C3: variants seen among roughly 807,000 people sequenced by gnomAD.
C3 encodes the protein complement C3.
In C3, 97 loss-of-function variants were observed where a neutral mutation model predicts 207.9. The observed-to-expected ratio is 0.47, with a 90% CI of 0.40 to 0.55. The LOEUF (loss-of-function observed/expected upper bound fraction) is 0.55, where lower values mean the gene tolerates loss of function less well. C3 is among the 20% of genes least tolerant of loss of function. C3 has a pLI of 0.00. For missense variants in C3, 1,684 were observed against 2,171.7 expected, an observed-to-expected ratio of 0.78 and a Z score of 4.46; for synonymous variants, 848 against 857.6, an observed-to-expected ratio of 0.99 and a Z score of 0.20.
intron 14 of C3, 47 bp downstream of exon 14, chr19:6,709,637 T>A: frequency 5.8e-5 from 45 of 773,666 alleles, no homozygotes; most frequent in Admixed American, 8.2e-5. Flanking sequence ...CAGCCCCAGC[T>A]CCGTGCCTCC....
intron 17 of C3, chr19:6,702,820 G>C (rs1967703440): frequency 2.3e-6 from 1 of 435,090 alleles, no homozygotes; most frequent in African/African-American, 2.0e-5. Flanking sequence ...GATCGCTTGA[G>C]GTCAGGACTT....
chr19:6,720,387 C>T, intron 1 of C3, 129 bp downstream of exon 1: 1 of 717,338 alleles, frequency 1.4e-6, no homozygotes, highest in Admixed American at 2.1e-5. Context: ...TATAATCATT[C>T]CCAACCTGCT....
chr19:6,687,367 T>C (rs976344841), intron 27 of C3, among the ~76,000 whole-genome samples: 2 of 152,176 alleles, frequency 1.3e-5, no homozygotes, highest in African/African-American at 4.8e-5. Flanking sequence ...ATCATCGTCA[T>C]CATCATCTTT....
intron 13 of C3, 49 bp downstream of exon 13, chr19:6,710,589 AG>A: frequency 7.3e-7 from 1 of 1,373,042 alleles, no homozygotes; most frequent in Non-Finnish European, 1.0e-6. Context: ...AGAGAGAGAG[AG>A]AGGAGTAGGG....
In C3 at chr19:6,717,889, CCT is replaced by C. The variant is rs528461681; in HGVS notation, c.504+203_504+204del. 1.1e-4 allele frequency: 72 copies of C among 646,504 alleles called. No individual in the cohort carries two copies. In the African/African-American group the frequency reaches 1.3e-3, roughly 12 times the overall value. 40.0% of individuals were successfully genotyped at this position (646,504 alleles called of 1,614,324 possible). ...GCACATGTGTCTGCATATCTCTTTG[CCT>C]CTGTGTGTGTATTGTGTGCTGTGTG... On this transcript the variant is annotated intron_variant, in intron 4 of 40. Coordinates refer to ENST00000245907, the MANE Select transcript of C3 (RefSeq NM_000064.4).
In C3 at chr19:6,718,233, G is replaced by C. The variant is rs771400391; in HGVS notation, c.433+14C>G. On this transcript the variant is annotated intron_variant, in intron 3 of 40. Coordinates refer to ENST00000245907, the MANE Select transcript of C3 (RefSeq NM_000064.4). ...CGCCGGTGCCCCGCCCTCTCCAGCC[G>C]CCCCCAGCCTCACCTGTGGAGCCAG... The C allele has an allele frequency of 1.2e-6, 2 of 1,614,030 alleles. No homozygotes were observed. The highest frequency in any genetic ancestry group is 1.7e-6 in the Non-Finnish European group (2 of 1,179,956).
intron 24 of C3, among the ~76,000 whole-genome samples, chr19:6,694,058 G>A (rs1377850508): frequency 8.6e-6 from 1 of 116,264 alleles, no homozygotes; most frequent in Non-Finnish European, 1.9e-5. Context: ...CTCAGAGGGC[G>A]TGGCCTTGAG....
intron 36 of C3, 107 bp from the exon 37 acceptor site, chr19:6,679,603 A>G (rs1599496721): frequency 2.5e-6 from 2 of 806,134 alleles, no homozygotes; most frequent in Non-Finnish European, 4.4e-6. Flanking sequence ...TGGAGATGCT[A>G]GGTCTTCAAC....
chr19:6,703,427 C>T (rs972981961), intron 17 of C3, among the ~76,000 whole-genome samples: 30 of 152,006 alleles, frequency 2.0e-4, no homozygotes, highest in Admixed American at 1.8e-3. Context: ...GCCAATGTGG[C>T]AAAACCGCGC....
chr19:6,709,615 A>ACCCACCACCCCCACC, intron 14 of C3, 69 bp downstream of exon 14: 1 of 403,612 alleles, frequency 2.5e-6, no homozygotes, highest in Non-Finnish European at 4.4e-6. Flanking sequence ...CTCCAGTCCC[A>ACCCACCACCCCCACC]CCCACCTCCC....
chr19:6,678,556 C>T (rs1486237071), intron 38 of C3, 101 bp from the exon 39 acceptor site: 1 of 869,408 alleles, frequency 1.2e-6, no homozygotes, highest in Non-Finnish European at 1.9e-6. Flanking sequence ...CTCTCCCAAG[C>T]AGAAAGTTGC....
rs1359525152 is a variant in C3, at chr19:6,718,386, T to C, written c.294A>G (p.Ser98=). The change falls in exon 3 of 41, where the codon TCA becomes TCG. Residue 98 remains serine, a synonymous_variant. Coordinates refer to ENST00000245907, the MANE Select transcript of C3 (RefSeq NM_000064.4). Reference sequence around the variant, plus strand: ...TCACGAACTTGTTGCGCCCCTTTTCTGACTTGAACTCCCTGTTGGCTGGGA... The same window carrying C: ...TCACGAACTTGTTGCGCCCCTTTTCCGACTTGAACTCCCTGTTGGCTGGGA... ...FTIPANREFK[S]EKGRNKFVTV... is the part of the protein sequence containing the mutation. The C allele has an allele frequency of 6.2e-7, 1 of 1,614,226 alleles. No homozygotes were observed. The highest frequency in any genetic ancestry group is 8.5e-7 in the Non-Finnish European group (1 of 1,180,048).
At chr19:6,720,074 C>T (rs1047542809) in intron 1 of C3, among the ~76,000 whole-genome samples, 24 of 152,152 alleles carry the variant, frequency 1.6e-4, no homozygotes, top group African/African-American at 4.6e-4. Flanking sequence ...CACCCCCAAC[C>T]GCACCATCAA....
At chr19:6,694,272 G>A (rs1330682013) in intron 24 of C3, among the ~76,000 whole-genome samples, 159 bp downstream of exon 24, 1 of 151,670 alleles carries the variant, frequency 6.6e-6, no homozygotes, top group Non-Finnish European at 1.5e-5. Flanking sequence ...CTCAGAGGGC[G>A]TAGCCTTGAG....
At chr19:6,687,400 A>C (rs1308815067) in intron 27 of C3, among the ~76,000 whole-genome samples, 1 of 152,108 alleles carries the variant, frequency 6.6e-6, no homozygotes, top group African/African-American at 2.4e-5. Context: ...ATCATAGCTC[A>C]CACTTACTTT....
At position 6,707,913 on chromosome 19, in the gene C3, T is replaced by A; in HGVS notation, c.1862A>T (p.Glu621Val). The A allele has an allele frequency of 6.2e-7, 1 of 1,613,852 alleles. No individual in the cohort carries two copies. The highest frequency in any genetic ancestry group is 8.5e-7 in the Non-Finnish European group (1 of 1,179,992). ...CGGGGTGCAGCCGATGTCTGCCTTC[T>A]CCACCACGTCCCAGATCTGCGGGGG... is the stretch of plus-strand genomic sequence containing the variant. ...LTQSKIWDVV[E>V]KADIGCTPGS... Residue 621 changes from glutamate (E) to valine (V), a missense_variant, in exon 15 of 41, where the codon GAG becomes GTG. Around this residue, in one of 3 missense-constraint regions of C3, gnomAD observed 1,280 missense variants for 1,739.1 expected, o/e 0.74. Coordinates refer to ENST00000245907, the MANE Select transcript of C3 (RefSeq NM_000064.4).
At chr19:6,717,821 TTG>T (rs1023963817) in intron 4 of C3, 30 of 579,558 alleles carry the variant, frequency 5.2e-5, no homozygotes, top group East Asian at 8.9e-5. Context: ...GTCGTGTATG[TTG>T]TGTGTTTGTG....
At chr19:6,695,305 G>C (rs987545248) in intron 23 of C3, among the ~76,000 whole-genome samples, 3 of 151,660 alleles carry the variant, frequency 2.0e-5, no homozygotes, top group African/African-American at 7.3e-5. Flanking sequence ...AACCCTTGGA[G>C]GTAGATACTA....
Position 6,679,141 on chromosome 19 carries a change from C to A in C3, c.4614G>T (p.Glu1538Asp), listed in dbSNP as rs1165244398. The change falls in exon 38 of 41, where the codon GAG (glutamate) becomes GAT (aspartate). Residue 1538 changes from glutamate (E) to aspartate (D), a missense_variant. This residue lies in a region of C3 where 346 missense variants were observed against 380.1 expected (regional missense o/e 0.91). Transcript: ENST00000245907. The part of the protein sequence containing the change: ...TLEERLDKAC[E>D]PGVDYVYKTR... ...CCCACTCACCATAGTCCACTCCTGG[C>A]TCACAGGCCTTGTCCAGCCGTTCTT... 6.2e-7 allele frequency: 1 copy of A among 1,614,074 alleles called. No individual in the cohort carries two copies. Among genetic ancestry groups the A allele is most frequent in the Non-Finnish European group, 8.5e-7 (1 of 1,179,876 alleles).
Sources: gnomAD v4.1 joint callset for allele counts (sites outside exome capture counted in the v4.1 genomes callset) on GRCh38, gnomAD v4.1.1 for gene constraint, gnomAD v4.1.1 regional missense constraint, MANE v1.5 for transcripts, NCBI Gene and HGNC (gene_info 2026-07-23, HGNC 2026-07-21) for gene names.